IFRD1: variants seen among roughly 807,000 people sequenced by gnomAD.
IFRD1 encodes the protein interferon-related developmental regulator 1.
A neutral mutation model predicts 52.9 loss-of-function variants in IFRD1; 35 were observed. The ratio of observed to expected loss-of-function variants is 0.66; its 90% CI spans 0.51 to 0.88. IFRD1 has a LOEUF of 0.88. Among genes scored for constraint, IFRD1 ranks in the 40% least tolerant of loss-of-function variants. The probability of loss-of-function intolerance (pLI) is 0.00; values close to 1 mark genes in which losing one functional copy is unlikely to be tolerated. For synonymous variants in IFRD1, 184 were observed against 188.4 expected (o/e 0.98, Z 0.19); for missense variants, 517 against 550.8 (o/e 0.94, Z 0.61).
chr7:112,456,992 A>G lies in IFRD1; in HGVS notation c.363A>G (p.Glu121=), dbSNP rs766640868. ...ASKMLYEFIL[E]RRMTLTDSIE... ...AAATGCTGTATGAATTTATTCTGGA[A>G]AGGAGAATGACTTTAACTGATAGCA... Residue 121 remains glutamate, a synonymous_variant, in exon 4 of 12, where the codon GAA becomes GAG. Coordinates refer to ENST00000403825, the MANE Select transcript of IFRD1 (RefSeq NM_001550.4). 19 of 1,613,886 alleles carry G rather than the reference A, an allele frequency of 1.2e-5. No individual in the cohort carries two copies. Among genetic ancestry groups the G allele is most frequent in the Admixed American group, 1.2e-4 (7 of 60,008 alleles).
At chr7:112,451,460 T>G (rs1182892440) in intron 1 of IFRD1, among the ~76,000 whole-genome samples, 1 of 152,200 alleles carries the variant, frequency 6.6e-6, no homozygotes, top group African/African-American at 2.4e-5. Context: ...GGCGACCTCC[T>G]GCTCACGGGG....
Position 112,450,906 on chromosome 7 carries a change from G to C in IFRD1, c.94+124G>C, listed in dbSNP as rs570669716. 5.0e-5 allele frequency: 37 copies of C among 744,826 alleles called. No individual in the cohort carries two copies. In the African/African-American group the frequency reaches 5.0e-4, roughly 10 times the overall value. 46.1% of individuals were successfully genotyped at this position (744,826 alleles called of 1,614,324 possible). On this transcript the variant is annotated intron_variant, in intron 1 of 11. Transcript: ENST00000403825. ...ACACATTTGCATTTCCAGGGTGCGT[G>C]GTTTGGCTACTGAACTACAATTCCC... is the stretch of plus-strand genomic sequence containing the variant.
chr7:112,450,985 A>C (rs933944445), intron 1 of IFRD1: 8 of 595,072 alleles, frequency 1.3e-5, no homozygotes, highest in Non-Finnish European at 1.8e-5. Flanking sequence ...TGCGAACCGG[A>C]CTCTTGGGCA....
intron 4 of IFRD1, 152 bp downstream of exon 4, chr7:112,457,190 T>C: frequency 1.3e-6 from 1 of 774,452 alleles, no homozygotes; most frequent in Non-Finnish European, 2.2e-6. Context: ...TGGCTCAAAA[T>C]GAGACTTGTT....
At chr7:112,451,453 G>T (rs1029931497) in intron 1 of IFRD1, among the ~76,000 whole-genome samples, 2 of 152,182 alleles carry the variant, frequency 1.3e-5, no homozygotes, top group African/African-American at 4.8e-5. Context: ...CACCCGAGGC[G>T]ACCTCCTGCT....
chr7:112,468,521 A>G (rs767711464), intron 9 of IFRD1, among the ~76,000 whole-genome samples: 2 of 152,164 alleles, frequency 1.3e-5, no homozygotes, highest in Non-Finnish European at 2.9e-5. Flanking sequence ...TTTATTTGAG[A>G]TGGAGTCTCG....
rs375823115 is a variant in IFRD1 at position 112,458,877 on chromosome 7, A to G, written c.426A>G (p.Gln142=). The G allele has an allele frequency of 1.2e-4, 193 of 1,613,948 alleles. No homozygotes were observed. The highest frequency in any genetic ancestry group is 1.6e-4 in the Non-Finnish European group (186 of 1,179,948). The change falls in exon 5 of 12, where the codon CAA becomes CAG. Residue 142 remains glutamine (Q), a synonymous_variant. Coordinates refer to ENST00000403825, the MANE Select transcript of IFRD1 (RefSeq NM_001550.4). ...RCLKKGKSDE[Q]RAAAALASVL... ...CTTTTATAGGTAAGAGTGATGAGCAACGTGCAGCTGCAGCGTTAGCATCTG... is the reference window on the plus strand; with the variant it reads ...CTTTTATAGGTAAGAGTGATGAGCAGCGTGCAGCTGCAGCGTTAGCATCTG...
At chr7:112,472,075 C>G in intron 9 of IFRD1, 144 bp from the exon 10 acceptor site, 1 of 837,350 alleles carries the variant, frequency 1.2e-6, no homozygotes, top group Non-Finnish European at 2.0e-6. Context: ...ACAGTTTGTC[C>G]ACATCTCAGG....
intron 1 of IFRD1, among the ~76,000 whole-genome samples, chr7:112,436,427 A>C (rs1467429138): frequency 6.6e-6 from 1 of 152,188 alleles, no homozygotes; most frequent in Admixed American, 6.5e-5. Flanking sequence ...AGGGATATTC[A>C]CTATCAATGA....
At chr7:112,462,559 G>T (rs1312332878) in intron 8 of IFRD1, among the ~76,000 whole-genome samples, 181 bp downstream of exon 8, 1 of 152,134 alleles carries the variant, frequency 6.6e-6, no homozygotes, top group East Asian at 1.9e-4. Flanking sequence ...ACCAGTAGGG[G>T]TTGGTACAGC....
intron 1 of IFRD1, among the ~76,000 whole-genome samples, chr7:112,430,298 T>C (rs1256938246): frequency 2.6e-5 from 4 of 152,308 alleles, no homozygotes; most frequent in African/African-American, 4.8e-5. Context: ...CTGATTGTTG[T>C]GGTACTTCAG....
intron 3 of IFRD1, 121 bp downstream of exon 3, chr7:112,456,207 G>T (rs532169152): frequency 1.4e-6 from 1 of 730,414 alleles, no homozygotes; most frequent in Admixed American, 2.0e-5. Flanking sequence ...AATTTGTGCA[G>T]CTCTCAGATA....
rs922092095 is a variant in IFRD1 at position 112,475,798 on chromosome 7, T to C, written c.*279T>C. The C allele has an allele frequency of 2.8e-6, 1 of 355,266 alleles. No individual in the cohort carries two copies. Among genetic ancestry groups the C allele is most frequent in the Non-Finnish European group, 5.1e-6 (1 of 194,574 alleles). The allele number at this position is 355,266 out of a possible 1,614,324, so 22.0% of individuals were successfully genotyped here. A position where few individuals can be genotyped will look rare whatever the true frequency, so the allele number is the denominator to read the frequency against. On this transcript the variant is annotated 3_prime_UTR_variant, in exon 12 of 12. Coordinates refer to ENST00000403825, the MANE Select transcript of IFRD1 (RefSeq NM_001550.4). ...ACTGATTTCATGATGGGGAAAACAA[T>C]TAGCCAAAGTTTAATTTCTTACACT...
At chr7:112,444,690 A>G (rs909020648) in intron 1 of IFRD1, among the ~76,000 whole-genome samples, 2 of 152,328 alleles carry the variant, frequency 1.3e-5, no homozygotes, top group South Asian at 2.1e-4. Flanking sequence ...TCTAAAAAAA[A>G]GGGGAACAAG....
intron 1 of IFRD1, among the ~76,000 whole-genome samples, chr7:112,431,119 C>T (rs989097542): frequency 6.6e-6 from 1 of 152,124 alleles, no homozygotes; most frequent in Admixed American, 6.5e-5. Context: ...CCTGTTGTGG[C>T]CAGAAAGCTA....
In IFRD1 at chr7:112,472,305, C is replaced by T. The variant is rs1795771910; in HGVS notation, c.1128C>T (p.Thr376=). ...GGGTAAAAAAACACACCTATGACAC[C>T]TTTAAGGAGGTTCTTGGATCAGGGA... ...DCWVKKHTYD[T]FKEVLGSGMQ... is the part of the protein sequence containing the mutation. The change falls in exon 10 of 12, where the codon ACC becomes ACT. Residue 376 remains threonine, a synonymous_variant. Coordinates refer to ENST00000403825, the MANE Select transcript of IFRD1 (RefSeq NM_001550.4). 2 of 1,613,978 alleles carry T rather than the reference C, an allele frequency of 1.2e-6. No individual in the cohort carries two copies. The highest frequency in any genetic ancestry group is 1.7e-6 in the Non-Finnish European group (2 of 1,179,920).
At chr7:112,424,418 CTT>C (rs150700456) in intron 1 of IFRD1, among the ~76,000 whole-genome samples, 15 of 145,218 alleles carry the variant, frequency 1.0e-4, no homozygotes, top group Admixed American at 1.4e-4. Flanking sequence ...TTCTTTCTTT[CTT>C]TTTTTTTTTT....
chr7:112,444,722 C>T (rs568486382), intron 1 of IFRD1, among the ~76,000 whole-genome samples: 5 of 152,196 alleles, frequency 3.3e-5, no homozygotes, highest in South Asian at 2.1e-4. Context: ...CTTCAAGGGG[C>T]CTTTTCTCGC....
chr7:112,428,194 T>C (rs1257843137), intron 1 of IFRD1, among the ~76,000 whole-genome samples: 2 of 152,176 alleles, frequency 1.3e-5, no homozygotes, highest in African/African-American at 4.8e-5. Context: ...AAAGCAAGGG[T>C]GTCAAGAGCT....
Sources: gnomAD v4.1 joint callset for allele counts (sites outside exome capture counted in the v4.1 genomes callset) on GRCh38, gnomAD v4.1.1 for gene constraint, MANE v1.5 for transcripts, NCBI Gene and HGNC (gene_info 2026-07-23, HGNC 2026-07-21) for gene names.